Variants in TP53I13 observed in about 807,000 individuals in gnomAD.
TP53I13 encodes the protein tumor protein p53 inducible protein 13.
Under a neutral mutation model 39.1 loss-of-function variants are expected in TP53I13, and 27 were observed. That is an observed-to-expected ratio of 0.69 (90% CI 0.51 to 0.95). The LOEUF (loss-of-function observed/expected upper bound fraction) is 0.95. TP53I13 is among the 40% of genes least tolerant of loss of function. The pLI, the probability that TP53I13 is intolerant of heterozygous loss-of-function variation, is 0.00. For synonymous variants in TP53I13, 230 were observed against 224.6 expected (o/e 1.02, Z -0.22); for missense variants, 544 against 520.4 (o/e 1.05, Z -0.44).
At chr17:29,575,237 C>T (rs1458958944), downstream of TP53I13, 2 of 1,577,904 alleles carry the variant, frequency 1.3e-6, no homozygotes, top group South Asian at 2.3e-5. This position sits in a 1 kb window ranked among gnomAD's most constrained non-coding sequence, Gnocchi z 5.5. Flanking sequence ...CTGCAACACC[C>T]TAGAAGCCAA....
chr17:29,568,831 G>C lies in TP53I13; in HGVS notation c.72+1G>C. 6.2e-7 allele frequency: 1 copy of C among 1,600,036 alleles called. No individual in the cohort carries two copies. The highest frequency in any genetic ancestry group is 1.1e-5 in the South Asian group (1 of 91,070). On this transcript the variant is annotated splice_donor_variant, in intron 1 of 6. Coordinates refer to ENST00000301057, the MANE Select transcript of TP53I13 (RefSeq NM_138349.4). LOFTEE classifies it high-confidence loss of function. This position sits in a 1 kb window ranked among gnomAD's most constrained non-coding sequence, Gnocchi z 4.5. ...CGCGAGGCTCCTGGGTCCCAGCGAG[G>C]TAAGGTGACCCGCTCCTGGGAAGGC... is the stretch of plus-strand genomic sequence containing the variant.
At chr17:29,578,336 G>A in the TP53I13 span, 40 of 1,613,998 alleles carry the variant, frequency 2.5e-5, no homozygotes, top group African/African-American at 5.3e-5. Flanking sequence ...CGTCATACAC[G>A]TCCATGGCGA....
In TP53I13 at chr17:29,572,941, A is replaced by T. The variant is rs778159352; in HGVS notation, c.*17A>T. The T allele has an allele frequency of 2.0e-5, 29 of 1,429,730 alleles. 1 individual carries two copies. In the South Asian group the frequency reaches 2.5e-4, roughly 13 times the overall value. 88.6% of individuals were successfully genotyped at this position (1,429,730 alleles called of 1,614,324 possible). On this transcript the variant is annotated 3_prime_UTR_variant, in exon 7 of 7. Coordinates refer to ENST00000301057, the MANE Select transcript of TP53I13 (RefSeq NM_138349.4). Reference sequence around the variant, plus strand: ...TCGGAGTGACGGCCTGGGACCTGCCACTGTGGCGTGCGGCTCCTCCCCGCG... The same window carrying T: ...TCGGAGTGACGGCCTGGGACCTGCCTCTGTGGCGTGCGGCTCCTCCCCGCG...
the TP53I13 span, among the ~76,000 whole-genome samples, chr17:29,580,767 T>C: frequency 6.6e-6 from 1 of 151,122 alleles, no homozygotes; most frequent in Non-Finnish European, 1.5e-5. Flanking sequence ...GTAGCTTCTG[T>C]TTCTTTTTCT....
In TP53I13 at chr17:29,572,221, C is replaced by G; in HGVS notation, c.593C>G (p.Ser198Cys). 1 of 1,612,280 alleles carries G rather than the reference C, an allele frequency of 6.2e-7. No individual in the cohort carries two copies. Residue 198 changes from serine to cysteine, a missense_variant, in exon 6 of 7, where the codon TCT (serine) becomes TGT (cysteine). Ser to Cys is a moderately radical substitution (Grantham distance 112). Transcript: ENST00000301057. ...ACATCTCAAGGGCCCAGGCAGCCCT[C>G]TTCTAGTGGTGCCAAGAGGCGGAGG... is the stretch of plus-strand genomic sequence containing the variant. Reference protein sequence around the residue: ...EVTSQGPRQPSSSGAKRRRLR... With the variant: ...EVTSQGPRQPCSSGAKRRRLR...
At position 29,572,299 on chromosome 17, in the gene TP53I13, C is replaced by T. The variant is rs747457189; in HGVS notation, c.671C>T (p.Ser224Phe). 5.6e-6 allele frequency: 9 copies of T among 1,612,830 alleles called. No individual in the cohort carries two copies. In the South Asian group the frequency reaches 9.9e-5, roughly 18 times the overall value. Reference sequence around the variant, plus strand: ...ACTCGCTCAGCCCTGAGGTTTCCCTCTGCTTCCCCAGGGAGCTTGAAGGCC... The same window carrying T: ...ACTCGCTCAGCCCTGAGGTTTCCCTTTGCTTCCCCAGGGAGCTTGAAGGCC... Reference protein sequence around the residue: ...QPTRSALRFPSASPGSLKAKQ... With the variant: ...QPTRSALRFPFASPGSLKAKQ... Residue 224 changes from serine (S) to phenylalanine (F), a missense_variant, in exon 6 of 7, where the codon TCT (serine) becomes TTT (phenylalanine). Transcript: ENST00000301057.
chr17:29,568,933 C>G lies in TP53I13; in HGVS notation c.73-85C>G. 2 of 1,595,560 alleles carry G rather than the reference C, an allele frequency of 1.3e-6. No individual in the cohort carries two copies. Among genetic ancestry groups the G allele is most frequent in the South Asian group, 2.2e-5 (2 of 89,968 alleles). Reference sequence around the variant, plus strand: ...GGCGCGCCGAGGGGGACGCGGAGTTCTTCCGCTGGCGGGCTGGGCCTGGGG... The same window carrying G: ...GGCGCGCCGAGGGGGACGCGGAGTTGTTCCGCTGGCGGGCTGGGCCTGGGG... On this transcript the variant is annotated intron_variant, in intron 1 of 6. Transcript: ENST00000301057. The surrounding 1 kb of genome is among the most constrained non-coding windows in gnomAD (Gnocchi z 4.5).
the TP53I13 span, chr17:29,578,467 G>T: frequency 8.5e-7 from 1 of 1,176,178 alleles, no homozygotes; most frequent in Non-Finnish European, 1.3e-6. Context: ...GGAACCGGTG[G>T]CCTTCCTTGT....
chr17:29,572,949 G>A lies in TP53I13; in HGVS notation c.*25G>A. On this transcript the variant is annotated 3_prime_UTR_variant, in exon 7 of 7. Transcript: ENST00000301057. ...ACGGCCTGGGACCTGCCACTGTGGC[G>A]TGCGGCTCCTCCCCGCGCCGCGAGG... is the stretch of plus-strand genomic sequence containing the variant. 7.2e-7 allele frequency: 1 copy of A among 1,398,434 alleles called. No individual in the cohort carries two copies. The highest frequency in any genetic ancestry group is 9.3e-7 in the Non-Finnish European group (1 of 1,080,556). 86.6% of individuals were successfully genotyped at this position (1,398,434 alleles called of 1,614,324 possible). A position where few individuals can be genotyped will look rare whatever the true frequency, so the allele number is the denominator to read the frequency against.
At position 29,569,343 on chromosome 17, in the gene TP53I13, G is replaced by A. The variant is rs751678398; in HGVS notation, c.167G>A (p.Arg56Gln). Reference protein sequence around the residue: ...PQVSPRVTYTRVSPGQAEDVT... With the variant: ...PQVSPRVTYTQVSPGQAEDVT... The stretch of plus-strand genomic sequence containing the variant: ...GTGTCACCAAGAGTGACCTACACAC[G>A]AGTGAGCCCAGGGCAGGTGAGTACA... Residue 56 changes from arginine (R) to glutamine (Q), a missense_variant, in exon 3 of 7, where the codon CGA (arginine) becomes CAA (glutamine). Coordinates refer to ENST00000301057, the MANE Select transcript of TP53I13 (RefSeq NM_138349.4). The A allele has an allele frequency of 6.2e-7, 1 of 1,613,738 alleles. No homozygotes were observed. Among genetic ancestry groups the A allele is most frequent in the Non-Finnish European group, 8.5e-7 (1 of 1,179,912 alleles).
chr17:29,576,445 G>T (rs772734909), downstream of TP53I13: 2 of 1,612,786 alleles, frequency 1.2e-6, no homozygotes, highest in South Asian at 2.2e-5. Context: ...CCTGCAGCTT[G>T]TGGATCTATG....
chr17:29,568,664 G>GGT, upstream of TP53I13: 1 of 821,686 alleles, frequency 1.2e-6, no homozygotes, highest in Non-Finnish European at 1.4e-6. This position sits in a 1 kb window ranked among gnomAD's most constrained non-coding sequence, Gnocchi z 4.5. Flanking sequence ...GGCGGCGCGG[G>GGT]CGGCGCGGGG....
the TP53I13 span, chr17:29,582,000 C>T: frequency 6.2e-7 from 1 of 1,612,728 alleles, no homozygotes; most frequent in Admixed American, 1.7e-5. This position sits in a 1 kb window ranked among gnomAD's most constrained non-coding sequence, Gnocchi z 4.8. Flanking sequence ...ACAAGCAGCT[C>T]GGCCTGCAGT....
At chr17:29,566,513 T>C (rs1278756322), upstream of TP53I13, 2 of 1,610,448 alleles carry the variant, frequency 1.2e-6, no homozygotes, top group East Asian at 2.2e-5. Flanking sequence ...CCCCCGGCGC[T>C]GGTGATCCGG....
downstream of TP53I13, chr17:29,576,306 T>G: frequency 6.2e-7 from 1 of 1,612,864 alleles, no homozygotes; most frequent in Non-Finnish European, 8.5e-7. Flanking sequence ...GGTTCATACA[T>G]GGAAAAGGCC....
At chr17:29,567,049 C>T (rs1426484719), upstream of TP53I13, 8 of 1,162,250 alleles carry the variant, frequency 6.9e-6, no homozygotes, top group East Asian at 3.1e-4. The surrounding 1 kb of genome is among the most constrained non-coding windows in gnomAD (Gnocchi z 6.6). Flanking sequence ...CGGCTCCGCC[C>T]GCCGGCGGCG....
At chr17:29,581,263 G>T in the TP53I13 span, 1 of 1,094,216 alleles carries the variant, frequency 9.1e-7, no homozygotes. This position sits in a 1 kb window ranked among gnomAD's most constrained non-coding sequence, Gnocchi z 4.8. Flanking sequence ...TGAAACCTGG[G>T]CTGGGAGCTC....
upstream of TP53I13, chr17:29,567,153 C>A: frequency 4.0e-6 from 1 of 248,286 alleles, no homozygotes; most frequent in Middle Eastern, 1.5e-3. The surrounding 1 kb of genome is among the most constrained non-coding windows in gnomAD (Gnocchi z 6.6). Context: ...GCCCGCCCCC[C>A]ACCCCCGCCC....
downstream of TP53I13, chr17:29,575,102 C>G (rs1450513540): frequency 1.3e-6 from 2 of 1,599,828 alleles, no homozygotes; most frequent in South Asian, 2.2e-5. The surrounding 1 kb of genome is among the most constrained non-coding windows in gnomAD (Gnocchi z 5.5). Context: ...GAGGCCATCT[C>G]GGTCACAGCC....
Sources: allele counts gnomAD v4.1 joint callset (sites outside exome capture counted in the v4.1 genomes callset), GRCh38; gene constraint gnomAD v4.1.1; non-coding constraint Gnocchi (gnomAD v3.1); transcripts MANE v1.5; gene names NCBI Gene and HGNC (gene_info 2026-07-23, HGNC 2026-07-21).